The following ADGRB2 variants were observed in gnomAD, a reference collection of about 807,000 sequenced individuals.
ADGRB2 encodes brain-specific angiogenesis inhibitor 2.
In ADGRB2, 47 loss-of-function variants were observed where a neutral mutation model predicts 178.7. That is an observed-to-expected ratio of 0.26 (90% CI 0.21 to 0.34). The LOEUF is 0.34. Ranked by LOEUF, ADGRB2 falls within the 10% of genes least tolerant of loss-of-function variation. The pLI is 1.00. For missense variants in ADGRB2, 1,584 were observed against 2,180.8 expected (o/e 0.73, Z 5.45); for synonymous variants, 870 against 912.4 (o/e 0.95, Z 0.84).
At chr1:31,737,994 C>T (rs1028989722) in intron 18 of ADGRB2, among the ~76,000 whole-genome samples, 2 of 152,132 alleles carry the variant, frequency 1.3e-5, no homozygotes, top group South Asian at 4.1e-4. Flanking sequence ...CACACACACA[C>T]AACTGGCCAC....
rs1292110924 is a variant in ADGRB2, at chr1:31,754,663, T to C, written c.838+1336A>G. On this transcript the variant is annotated intron_variant, in intron 4 of 32. Coordinates refer to ENST00000373658, the MANE Select transcript of ADGRB2 (RefSeq NM_001364857.2). The surrounding 1 kb of genome is among the most constrained non-coding windows in gnomAD (Gnocchi z 5.7). ...CAGCAAAGCCACCGGGCACTTGCCG[T>C]GGATGGGCACGATGTCAGATGTCTC... is the stretch of plus-strand genomic sequence containing the variant. Among the ~76,000 whole-genome samples the C allele has an allele frequency of 1.3e-5, 2 of 152,220 alleles. No individual in the cohort carries two copies. Among genetic ancestry groups the C allele is most frequent in the East Asian group, 3.9e-4 (2 of 5,188 alleles).
chr1:31,735,299 C>T lies in ADGRB2; in HGVS notation c.3354-18G>A. 3 of 1,477,544 alleles carry T rather than the reference C, an allele frequency of 2.0e-6. No homozygotes were observed. Among genetic ancestry groups the T allele is most frequent in the Non-Finnish European group, 2.7e-6 (3 of 1,105,324 alleles). The allele number at this position is 1,477,544 out of a possible 1,614,324, so 91.5% of individuals were successfully genotyped here. A position where few individuals can be genotyped will look rare whatever the true frequency, so the allele number is the denominator to read the frequency against. The stretch of plus-strand genomic sequence containing the variant: ...GCTCCGACCTCGGGGGCGGCACAGA[C>T]ATGGGAGAAGGAGGGGAAACACATG... On this transcript the variant is annotated intron_variant, in intron 24 of 32. Coordinates refer to ENST00000373658, the MANE Select transcript of ADGRB2 (RefSeq NM_001364857.2). The surrounding 1 kb of genome is among the most constrained non-coding windows in gnomAD (Gnocchi z 6.0).
chr1:31,762,551 G>A (rs373255635), intron 1 of ADGRB2, among the ~76,000 whole-genome samples: 1 of 152,210 alleles, frequency 6.6e-6, no homozygotes, highest in East Asian at 1.9e-4. Flanking sequence ...AATCCTGCTG[G>A]TCTGTACGTG....
rs1032512901 is a variant in ADGRB2, at chr1:31,756,018, G to A, written c.819C>T (p.Phe273=). The A allele has an allele frequency of 1.2e-6, 2 of 1,613,044 alleles. No individual in the cohort carries two copies. The highest frequency in any genetic ancestry group is 1.3e-5 in the African/African-American group (1 of 74,896). ...ACTCACCATATCTCATCTCGGTTGTGAACAGATCATTGCTGCTCCCCGAGT... is the reference window on the plus strand; with the variant it reads ...ACTCACCATATCTCATCTCGGTTGTAAACAGATCATTGCTGCTCCCCGAGT... ...DLHSGSSNDL[F]TTEMRYGEEP... is the part of the protein sequence containing the mutation. The change falls in exon 4 of 33, where the codon TTC becomes TTT. Residue 273 remains phenylalanine, a synonymous_variant. Transcript: ENST00000373658. The surrounding 1 kb of genome is among the most constrained non-coding windows in gnomAD (Gnocchi z 8.5).
rs1428152559 is a variant in ADGRB2, at chr1:31,744,689, G to A, written c.881C>T (p.Pro294Leu). 20 of 1,614,074 alleles carry A rather than the reference G, an allele frequency of 1.2e-5. No individual in the cohort carries two copies. The highest frequency in any genetic ancestry group is 1.6e-4 in the Middle Eastern group (1 of 6,080). The change falls in exon 5 of 33, where the codon CCG becomes CTG. Residue 294 changes from proline to leucine, a missense_variant. Coordinates refer to ENST00000373658, the MANE Select transcript of ADGRB2 (RefSeq NM_001364857.2). The surrounding 1 kb of genome is among the most constrained non-coding windows in gnomAD (Gnocchi z 6.7). ...TAGCCCAGGCTCATCTGCAGACCTC[G>A]GCCACTGGGTTTTCACTTTCGGTTC... ...EEEPKVKTQW[P>L]RSADEPGLYM...
chr1:31,737,450 G>A lies in ADGRB2; in HGVS notation c.2958C>T (p.Gly986=). 1 of 1,614,106 alleles carries A rather than the reference G, an allele frequency of 6.2e-7. No individual in the cohort carries two copies. The highest frequency in any genetic ancestry group is 8.5e-7 in the Non-Finnish European group (1 of 1,179,988). ...ILASNILILV[G]QSRVLSKGVC... ...CTGCCTTGCTCAGCACCCGGGACTG[G>A]CCCACGAGGATCAGGATGTTGGATG... Residue 986 remains glycine (G), a synonymous_variant, in exon 20 of 33, where the codon GGC becomes GGT. Coordinates refer to ENST00000373658, the MANE Select transcript of ADGRB2 (RefSeq NM_001364857.2).
In ADGRB2 at chr1:31,741,478, C is replaced by A; in HGVS notation, c.1689G>T (p.Gly563=). The A allele has an allele frequency of 6.3e-7, 1 of 1,587,626 alleles. No homozygotes were observed. Among genetic ancestry groups the A allele is most frequent in the Non-Finnish European group, 8.6e-7 (1 of 1,166,734 alleles). ...TGAGGAGACAGCGGCGGCTGGCAGA[C>A]CCTGCAGGGCAATAGGACAGAGGTC... ...IYNKCPPNAS[G]SASRRCLLSA... Residue 563 remains glycine, a splice_region_variant and synonymous_variant, in exon 11 of 33, where the codon GGG becomes GGT. Coordinates refer to ENST00000373658, the MANE Select transcript of ADGRB2 (RefSeq NM_001364857.2). The surrounding 1 kb of genome is among the most constrained non-coding windows in gnomAD (Gnocchi z 6.5).
chr1:31,750,501 C>T (rs897239279), intron 4 of ADGRB2, among the ~76,000 whole-genome samples: 2 of 152,210 alleles, frequency 1.3e-5, no homozygotes, highest in Non-Finnish European at 2.9e-5. Context: ...ACCCCTCCCC[C>T]CAAACTCCAC....
At position 31,763,648 on chromosome 1, in the gene ADGRB2, G is replaced by A. The variant is rs1438237078; in HGVS notation, c.-191+236C>T. ...AAGAGGGTCGGTCCAGGCTGGGGGAGGGGGGGGGCCGAGATTAGAGATTCA... is the reference window on the plus strand; with the variant it reads ...AAGAGGGTCGGTCCAGGCTGGGGGAAGGGGGGGGCCGAGATTAGAGATTCA... On this transcript the variant is annotated intron_variant, in intron 1 of 32. Transcript: ENST00000373658. 2.1e-5 allele frequency among the ~76,000 whole-genome samples: 3 copies of A among 145,778 alleles called. 1 individual carries two copies. The highest frequency in any genetic ancestry group is 5.3e-5 in the African/African-American group (2 of 38,060).
chr1:31,744,805 G>C lies in ADGRB2; in HGVS notation c.839-74C>G, dbSNP rs1315969549. The C allele has an allele frequency of 6.1e-6, 9 of 1,484,234 alleles. No individual in the cohort carries two copies. Among genetic ancestry groups the C allele is most frequent in the Non-Finnish European group, 7.5e-6 (8 of 1,066,640 alleles). 91.9% of individuals were successfully genotyped at this position (1,484,234 alleles called of 1,614,324 possible). On this transcript the variant is annotated intron_variant, in intron 4 of 32. Coordinates refer to ENST00000373658, the MANE Select transcript of ADGRB2 (RefSeq NM_001364857.2). The surrounding 1 kb of genome is among the most constrained non-coding windows in gnomAD (Gnocchi z 6.7). ...CTGTTACAGTGGCACAGTGAAGGCAGCCTTCCTTGCCCTCCGCCTGAGGGC... is the reference window on the plus strand; with the variant it reads ...CTGTTACAGTGGCACAGTGAAGGCACCCTTCCTTGCCCTCCGCCTGAGGGC...
In ADGRB2 at chr1:31,741,315, C is replaced by G; in HGVS notation, c.1794+58G>C. On this transcript the variant is annotated intron_variant, in intron 11 of 32. Coordinates refer to ENST00000373658, the MANE Select transcript of ADGRB2 (RefSeq NM_001364857.2). This position sits in a 1 kb window ranked among gnomAD's most constrained non-coding sequence, Gnocchi z 6.5. ...CGAGCGAGAATCACGCTCCCTCCAC[C>G]CCCTAGCAGAGTCTGAGACAGATTC... is the stretch of plus-strand genomic sequence containing the variant. 6.6e-7 allele frequency: 1 copy of G among 1,503,766 alleles called. No individual in the cohort carries two copies. Among genetic ancestry groups the G allele is most frequent in the Non-Finnish European group, 9.1e-7 (1 of 1,103,502 alleles). The allele number at this position is 1,503,766 out of a possible 1,614,324, so 93.2% of individuals were successfully genotyped here.
intron 1 of ADGRB2, among the ~76,000 whole-genome samples, chr1:31,762,637 T>TA (rs1397239962): frequency 6.4e-5 from 7 of 108,978 alleles, no homozygotes; most frequent in African/African-American, 2.5e-4. Flanking sequence ...CCCCAGAACA[T>TA]ATGGCCTGAC....
In ADGRB2 at chr1:31,756,167, T is replaced by G; in HGVS notation, c.670A>C (p.Ser224Arg). ...RACGFAQPGC[S>R]CPGEAGAGST... ...CCGGCCCCCGCCTCTCCAGGGCAGC[T>G]GCAGCCTGGCTGAGCAAAGCCGCAG... is the stretch of plus-strand genomic sequence containing the variant. Residue 224 changes from serine to arginine, a missense_variant, in exon 4 of 33, where the codon AGC becomes CGC. Ser to Arg is a moderately radical substitution (Grantham distance 110). This residue lies in a region of ADGRB2 where 657 missense variants were observed against 847.6 expected (regional missense o/e 0.78). Coordinates refer to ENST00000373658, the MANE Select transcript of ADGRB2 (RefSeq NM_001364857.2). This position sits in a 1 kb window ranked among gnomAD's most constrained non-coding sequence, Gnocchi z 8.5. 1 of 1,613,290 alleles carries G rather than the reference T, an allele frequency of 6.2e-7. No individual in the cohort carries two copies. The highest frequency in any genetic ancestry group is 8.5e-7 in the Non-Finnish European group (1 of 1,179,868).
In ADGRB2 at chr1:31,740,622, C is replaced by T; in HGVS notation, c.1795-81G>A. ...CTGGCCCATCCCACTCCAGTCCACC[C>T]ACTGCTTGCATCCACGGGGAGAGAA... On this transcript the variant is annotated intron_variant, in intron 11 of 32. Transcript: ENST00000373658. The surrounding 1 kb of genome is among the most constrained non-coding windows in gnomAD (Gnocchi z 5.9). The T allele has an allele frequency of 7.1e-7, 1 of 1,400,670 alleles. No individual in the cohort carries two copies. The allele number at this position is 1,400,670 out of a possible 1,614,324, so 86.8% of individuals were successfully genotyped here. A position where few individuals can be genotyped will look rare whatever the true frequency, so the allele number is the denominator to read the frequency against.
At chr1:31,746,893 G>C (rs1646304078) in intron 4 of ADGRB2, among the ~76,000 whole-genome samples, 1 of 152,204 alleles carries the variant, frequency 6.6e-6, no homozygotes, top group African/African-American at 2.4e-5. Flanking sequence ...CGCTCTCGGA[G>C]AGGCCCTCCT....
Position 31,735,271 on chromosome 1 carries a change from A to T in ADGRB2, c.3364T>A (p.Cys1122Ser). Reference protein sequence around the residue: ...SKKQRAGSERCPWASLLLPCS... With the variant: ...SKKQRAGSERSPWASLLLPCS... ...GGGAGGAGCAGGCTGGCCCAGGGGC[A>T]CCGCTCCGACCTCGGGGGCGGCACA... The change falls in exon 25 of 33, where the codon TGC (cysteine) becomes AGC (serine). Residue 1122 changes from cysteine to serine, a missense_variant. Around this residue, in one of 3 missense-constraint regions of ADGRB2, gnomAD observed 865 missense variants for 1,192.8 expected, o/e 0.73. Transcript: ENST00000373658. This position sits in a 1 kb window ranked among gnomAD's most constrained non-coding sequence, Gnocchi z 6.0. 1 of 1,473,318 alleles carries T rather than the reference A, an allele frequency of 6.8e-7. No homozygotes were observed. The highest frequency in any genetic ancestry group is 9.1e-7 in the Non-Finnish European group (1 of 1,104,138). 91.3% of individuals were successfully genotyped at this position (1,473,318 alleles called of 1,614,324 possible). A position where few individuals can be genotyped will look rare whatever the true frequency, so the allele number is the denominator to read the frequency against.
intron 4 of ADGRB2, among the ~76,000 whole-genome samples, chr1:31,747,372 G>C (rs553011487): frequency 1.3e-5 from 2 of 152,082 alleles, no homozygotes; most frequent in East Asian, 1.9e-4. Flanking sequence ...TCCATTCCTG[G>C]ATATCCTCCT....
At position 31,740,082 on chromosome 1, in the gene ADGRB2, A is replaced by G. The variant is rs1268842826; in HGVS notation, c.2058+28T>C. The G allele has an allele frequency of 1.9e-6, 3 of 1,613,994 alleles. No homozygotes were observed. Among genetic ancestry groups the G allele is most frequent in the Non-Finnish European group, 2.5e-6 (3 of 1,179,986 alleles). ...GGTCCAAGGCAGGGTGGGTCACGGG[A>G]GGAGAAGCTGGCAGCTGTGCCCCGC... On this transcript the variant is annotated intron_variant, in intron 13 of 32. Transcript: ENST00000373658. This position sits in a 1 kb window ranked among gnomAD's most constrained non-coding sequence, Gnocchi z 5.9.
At chr1:31,750,744 C>T (rs148449317) in intron 4 of ADGRB2, among the ~76,000 whole-genome samples, 124 of 152,252 alleles carry the variant, frequency 8.1e-4, no homozygotes, top group African/African-American at 2.7e-3. Flanking sequence ...GTGCTTCTTG[C>T]ACCCCACAGT....
Sources: gnomAD v4.1 joint callset for allele counts (sites outside exome capture counted in the v4.1 genomes callset) on GRCh38, gnomAD v4.1.1 for gene constraint, gnomAD v4.1.1 regional missense constraint, Gnocchi (gnomAD v3.1) non-coding constraint, MANE v1.5 for transcripts, NCBI Gene and HGNC (gene_info 2026-07-23, HGNC 2026-07-21) for gene names.